ATOSA: variants seen among roughly 807,000 people sequenced by gnomAD.
ATOSA encodes atos homolog A, also known as atos homolog protein A.
the ATOSA span, among the ~76,000 whole-genome samples, chr15:52,599,865 G>A: frequency 1.3e-5 from 2 of 152,016 alleles, no homozygotes; most frequent in Admixed American, 6.6e-5. Flanking sequence ...CTATGCTCCC[G>A]GCTTAAGTAA....
the ATOSA span, among the ~76,000 whole-genome samples, chr15:52,672,172 C>CAAAAAAAAAAAAAAAAAAAAA: frequency 2.6e-4 from 16 of 62,584 alleles, 2 homozygotes; most frequent in African/African-American, 1.0e-3. Context: ...CCCCATTTCT[C>CAAAAAAAAAAAAAAAAAAAAA]AAAAAAAAAA....
the ATOSA span, among the ~76,000 whole-genome samples, chr15:52,618,579 G>A: frequency 6.6e-6 from 1 of 152,194 alleles, no homozygotes; most frequent in South Asian, 2.1e-4. Context: ...CTGCAAAACT[G>A]TAATACATCT....
the ATOSA span, among the ~76,000 whole-genome samples, chr15:52,697,484 T>C: frequency 3.9e-4 from 59 of 152,336 alleles, no homozygotes; most frequent in South Asian, 8.3e-4. Flanking sequence ...AAATGGCTAG[T>C]TGAAATGAAC....
the ATOSA span, among the ~76,000 whole-genome samples, chr15:52,661,550 G>A: frequency 1.3e-5 from 2 of 152,208 alleles, no homozygotes; most frequent in Admixed American, 6.6e-5. Context: ...TCTAGTGACA[G>A]AGTGATTTTG....
the ATOSA span, chr15:52,657,339 T>C: frequency 6.6e-6 from 1 of 152,194 alleles, no homozygotes; most frequent in Non-Finnish European, 1.5e-5. Flanking sequence ...CTTGTGTAGG[T>C]GTAAGGAGAC....
At chr15:52,582,217 A>C in the ATOSA span, 1 of 1,603,880 alleles carries the variant, frequency 6.2e-7, no homozygotes, top group Non-Finnish European at 8.5e-7. Flanking sequence ...GTTCATATGC[A>C]GCACCGCTAT....
the ATOSA span, among the ~76,000 whole-genome samples, chr15:52,689,724 C>T: frequency 6.6e-6 from 1 of 152,072 alleles, no homozygotes; most frequent in African/African-American, 2.4e-5. Flanking sequence ...AGAACTGAGC[C>T]CAACAGAAGT....
the ATOSA span, chr15:52,581,717 G>A: frequency 6.5e-6 from 1 of 153,406 alleles, no homozygotes; most frequent in East Asian, 1.9e-4. Flanking sequence ...TAAATGAACA[G>A]CACTTAACAC....
chr15:52,582,397 A>ATTTGT, the ATOSA span: 1 of 1,118,548 alleles, frequency 8.9e-7, no homozygotes, highest in Non-Finnish European at 1.2e-6. Flanking sequence ...GGAAGAACAA[A>ATTTGT]TCTTGCTACA....
chr15:52,607,713 T>G, the ATOSA span, among the ~76,000 whole-genome samples: 1 of 152,208 alleles, frequency 6.6e-6, no homozygotes, highest in Non-Finnish European at 1.5e-5. Flanking sequence ...TGGCAAAAAC[T>G]TCAACTACTT....
the ATOSA span, chr15:52,658,830 T>TAAAAAA: frequency 3.7e-6 from 1 of 273,126 alleles, no homozygotes; most frequent in Non-Finnish European, 6.2e-6. Flanking sequence ...AAAAAAAAAG[T>TAAAAAA]TAAAAATCAG....
chr15:52,608,956 G>C, the ATOSA span: 1 of 1,610,812 alleles, frequency 6.2e-7, no homozygotes, highest in Non-Finnish European at 8.5e-7. Context: ...ATACTTATTT[G>C]TACAAATCTG....
At chr15:52,693,921 C>T in the ATOSA span, among the ~76,000 whole-genome samples, 3 of 152,100 alleles carry the variant, frequency 2.0e-5, no homozygotes, top group African/African-American at 7.2e-5. Flanking sequence ...GGCAGATATG[C>T]GTGTCTGCAC....
the ATOSA span, among the ~76,000 whole-genome samples, chr15:52,615,549 G>A: frequency 6.6e-6 from 1 of 152,180 alleles, no homozygotes. Context: ...AGCATGGAAT[G>A]GGAAGAGAGA....
chr15:52,652,934 T>C, the ATOSA span, among the ~76,000 whole-genome samples: 1 of 152,204 alleles, frequency 6.6e-6, no homozygotes. Context: ...TTTGGGAGAA[T>C]CAATGAAGGT....
At chr15:52,596,613 A>G in the ATOSA span, among the ~76,000 whole-genome samples, 1 of 152,214 alleles carries the variant, frequency 6.6e-6, no homozygotes, top group African/African-American at 2.4e-5. Flanking sequence ...TAATATATGA[A>G]GACATTTTTG....
At chr15:52,591,929 G>A in the ATOSA span, among the ~76,000 whole-genome samples, 1 of 152,116 alleles carries the variant, frequency 6.6e-6, no homozygotes, top group African/African-American at 2.4e-5. Context: ...ACGTTGTTGG[G>A]AAAAGAAAAC....
At chr15:52,705,552 G>A in the ATOSA span, among the ~76,000 whole-genome samples, 25 of 152,032 alleles carry the variant, frequency 1.6e-4, no homozygotes, top group African/African-American at 4.6e-4. Context: ...AAAACTTTGT[G>A]GTTGAAAGTA....
chr15:52,685,649 G>A, the ATOSA span, among the ~76,000 whole-genome samples: 2 of 152,126 alleles, frequency 1.3e-5, no homozygotes, highest in African/African-American at 4.8e-5. Flanking sequence ...GCCCAGGCTG[G>A]TCTTGAACTG....
Sources: gnomAD v4.1 joint callset for allele counts (sites outside exome capture counted in the v4.1 genomes callset) on GRCh38, gnomAD v4.1.1 for gene constraint, MANE v1.5 for transcripts, NCBI Gene and HGNC (gene_info 2026-07-23, HGNC 2026-07-21) for gene names.